CACNA1E: variants seen among roughly 807,000 people sequenced by gnomAD.
CACNA1E encodes calcium voltage-gated channel subunit alpha1 E, also known as voltage-dependent R-type calcium channel subunit alpha-1E.
Under a neutral mutation model 259.2 loss-of-function variants are expected in CACNA1E, and 40 were observed. The ratio of observed to expected loss-of-function variants is 0.15; its 90% confidence interval spans 0.12 to 0.20. CACNA1E has a LOEUF of 0.20. CACNA1E is among the 10% of genes least tolerant of loss of function. CACNA1E has a pLI of 1.00. For missense variants in CACNA1E, 1,874 were observed against 3,040.1 expected (o/e 0.62, Z 9.02); for synonymous variants, 1,104 against 1,138.5 (o/e 0.97, Z 0.61).
intron 3 of CACNA1E, among the ~76,000 whole-genome samples, chr1:181,520,357 A>C (rs1405879259): frequency 2.6e-5 from 4 of 152,212 alleles, no homozygotes; most frequent in Non-Finnish European, 5.9e-5. Context: ...AATAAAGCAA[A>C]ATACCAAATC....
chr1:181,759,712 C>A (rs903429263), intron 32 of CACNA1E, among the ~76,000 whole-genome samples: 3 of 152,154 alleles, frequency 2.0e-5, no homozygotes, highest in African/African-American at 7.2e-5. Context: ...TTCACACTTA[C>A]TTAGGACGTG....
At chr1:181,703,115 C>A (rs1483113813) in intron 7 of CACNA1E, among the ~76,000 whole-genome samples, 1 of 152,070 alleles carries the variant, frequency 6.6e-6, no homozygotes, top group Non-Finnish European at 1.5e-5. Context: ...CTGCTATATC[C>A]TCATATTCTA....
intron 37 of CACNA1E, 133 bp from the exon 38 acceptor site, chr1:181,775,968 T>C (rs938229294): frequency 1.3e-6 from 1 of 775,172 alleles, no homozygotes; most frequent in Non-Finnish European, 2.1e-6. Context: ...CCCTGACTAT[T>C]CCCTGTCCCT....
Position 181,737,665 on chromosome 1 carries a change from A to G in CACNA1E, c.3552+11A>G, listed in dbSNP as rs751368195. On this transcript the variant is annotated intron_variant, in intron 23 of 47. Coordinates refer to ENST00000367573, the MANE Select transcript of CACNA1E (RefSeq NM_001205293.3). ...TCGGAGCGCAACAAAGTGGGTACAC[A>G]GGGGCCATGTGCCAGCCTCTGTAGT... The G allele has an allele frequency of 2.2e-5, 36 of 1,612,632 alleles. No individual in the cohort carries two copies. Among genetic ancestry groups the G allele is most frequent in the East Asian group, 1.6e-4 (7 of 44,872 alleles).
chr1:181,727,028 C>A (rs1654972076), intron 18 of CACNA1E, among the ~76,000 whole-genome samples: 1 of 152,080 alleles, frequency 6.6e-6, no homozygotes, highest in Admixed American at 6.5e-5. Flanking sequence ...GTTACTGTAT[C>A]CCTGGAAACT....
At chr1:181,386,466 C>G (rs1421556024) in intron 1 of CACNA1E, among the ~76,000 whole-genome samples, 2 of 152,046 alleles carry the variant, frequency 1.3e-5, no homozygotes, top group African/African-American at 2.4e-5. Flanking sequence ...CCACAGTAGG[C>G]AGTTTGAGGT....
At chr1:181,764,431 TTTAA>T (rs1658854549) in intron 34 of CACNA1E, among the ~76,000 whole-genome samples, 1 of 152,236 alleles carries the variant, frequency 6.6e-6, no homozygotes, top group Non-Finnish European at 1.5e-5. Flanking sequence ...TTATTTATAG[TTTAA>T]TTAAAAATTA....
At chr1:181,795,364 C>T (rs1055922523) in intron 46 of CACNA1E, among the ~76,000 whole-genome samples, 1 of 152,140 alleles carries the variant, frequency 6.6e-6, no homozygotes, top group East Asian at 1.9e-4. Flanking sequence ...GTATTAGAGA[C>T]CCACTGTAAG....
At chr1:181,402,920 C>G (rs961082926) in intron 1 of CACNA1E, among the ~76,000 whole-genome samples, 2 of 152,182 alleles carry the variant, frequency 1.3e-5, no homozygotes, top group Non-Finnish European at 2.9e-5. Context: ...CCTTGGGTAA[C>G]TTTCTGTGCC....
intron 6 of CACNA1E, among the ~76,000 whole-genome samples, chr1:181,581,553 C>T (rs12239105): frequency 0.032 from 4,916 of 152,194 alleles, 266 homozygotes; most frequent in African/African-American, 0.11. Context: ...GGTCTAGCTG[C>T]CTGTCAGGGA....
At chr1:181,325,674 T>C (rs907347595) in intron 1 of CACNA1E, among the ~76,000 whole-genome samples, 2 of 151,872 alleles carry the variant, frequency 1.3e-5, no homozygotes, top group South Asian at 4.1e-4. Flanking sequence ...TTTAAATTTT[T>C]ATTTTTATTT....
At chr1:181,612,442 A>G (rs902400237) in intron 6 of CACNA1E, among the ~76,000 whole-genome samples, 2 of 152,178 alleles carry the variant, frequency 1.3e-5, no homozygotes, top group East Asian at 3.9e-4. Context: ...GCTCAGGTGT[A>G]GTGAGTTCGA....
At position 181,757,072 on chromosome 1, in the gene CACNA1E, C is replaced by T; in HGVS notation, c.4275C>T (p.Thr1425=). The stretch of plus-strand genomic sequence containing the variant: ...TCTTTGTGGCTCTCATCATCATCAC[C>T]TTCCAGGAGCAAGGGGATAAGATGA... ...VNIFVALIII[T]FQEQGDKMME... The change falls in exon 30 of 48, where the codon ACC becomes ACT. Residue 1425 remains threonine, a synonymous_variant. Coordinates refer to ENST00000367573, the MANE Select transcript of CACNA1E (RefSeq NM_001205293.3). 6.2e-7 allele frequency: 1 copy of T among 1,613,930 alleles called. No individual in the cohort carries two copies. Among genetic ancestry groups the T allele is most frequent in the Non-Finnish European group, 8.5e-7 (1 of 1,179,826 alleles).
chr1:181,793,055 G>A (rs908603347), intron 44 of CACNA1E, among the ~76,000 whole-genome samples: 7 of 151,846 alleles, frequency 4.6e-5, no homozygotes, highest in African/African-American at 1.7e-4. Context: ...TTACAACATG[G>A]TTAACAACAT....
intron 6 of CACNA1E, among the ~76,000 whole-genome samples, chr1:181,581,647 T>G (rs12138634): frequency 0.44 from 67,243 of 151,978 alleles, 15,940 homozygotes; most frequent in East Asian, 0.66. Context: ...TAATAAGTTA[T>G]CAAAGGCTTG....
rs372357830 is a variant in CACNA1E at position 181,444,193 on chromosome 1, A to T, written c.434+30613A>T. Among the ~76,000 whole-genome samples the T allele has an allele frequency of 2.4e-4, 36 of 152,322 alleles. No homozygotes were observed. The East Asian group carries it at 4.0e-3, about 17-fold the overall frequency. ...CAGGGTGGCCGAGAAAAAGCCCTGC[A>T]GTTAGTTGAGCTGCCTTCCTTTGAT... On this transcript the variant is annotated intron_variant, in intron 2 of 11. Coordinates refer to the CACNA1E transcript ENST00000524607.
At chr1:181,725,932 T>A in intron 17 of CACNA1E, 133 bp from the exon 18 acceptor site, 2 of 602,842 alleles carry the variant, frequency 3.3e-6, no homozygotes, top group Non-Finnish European at 5.9e-6. Context: ...AACATCTCGC[T>A]GTCTTGTTTA....
chr1:181,686,204 T>C (rs1182886055), intron 7 of CACNA1E, among the ~76,000 whole-genome samples: 6 of 152,126 alleles, frequency 3.9e-5, no homozygotes, highest in Non-Finnish European at 2.9e-5. Context: ...TTTTCTTTAT[T>C]TGATGCTAAG....
intron 44 of CACNA1E, 29 bp from the exon 45 acceptor site, chr1:181,793,636 C>A: frequency 6.2e-7 from 1 of 1,602,286 alleles, no homozygotes; most frequent in Non-Finnish European, 8.5e-7. Flanking sequence ...AACCAAGTCC[C>A]ACAAGCTTGG....
Sources: gnomAD v4.1 joint callset for allele counts (sites outside exome capture counted in the v4.1 genomes callset) on GRCh38, gnomAD v4.1.1 for gene constraint, MANE v1.5 for transcripts, NCBI Gene and HGNC (gene_info 2026-07-23, HGNC 2026-07-21) for gene names.